ASTN2: variants seen among roughly 807,000 people sequenced by gnomAD.
ASTN2 encodes the protein astrotactin-2.
In ASTN2, 54 loss-of-function variants were observed where a neutral mutation model predicts 139.8. That is an observed-to-expected ratio of 0.39 (90% CI 0.31 to 0.48). The LOEUF is 0.48. Among genes scored for constraint, ASTN2 ranks in the 20% least tolerant of loss-of-function variants. The pLI is 0.95. For missense variants in ASTN2, 1,565 were observed against 1,725.1 expected, an observed-to-expected ratio of 0.91 and a Z score of 1.64; for synonymous variants, 756 against 719.5, an observed-to-expected ratio of 1.05 and a Z score of -0.81.
intron 1 of ASTN2, among the ~76,000 whole-genome samples, chr9:117,349,643 C>G (rs912984089): frequency 3.3e-5 from 5 of 152,148 alleles, no homozygotes; most frequent in Non-Finnish European, 5.9e-5. Flanking sequence ...CCCTCTCCTT[C>G]AGTGTAGACT....
At chr9:117,031,518 A>T (rs1564393206) in intron 6 of ASTN2, among the ~76,000 whole-genome samples, 3 of 152,192 alleles carry the variant, frequency 2.0e-5, no homozygotes, top group Non-Finnish European at 4.4e-5. Flanking sequence ...GTGCAAAACA[A>T]ATGTAATCTC....
intron 3 of ASTN2, chr9:117,180,847 A>T (rs544760186): frequency 3.7e-4 from 570 of 1,556,358 alleles, no homozygotes; most frequent in Middle Eastern, 1.7e-3. Flanking sequence ...CTTCTTTGAG[A>T]TGCGGATCTT....
At chr9:116,597,067 T>C (rs1854613148) in intron 19 of ASTN2, among the ~76,000 whole-genome samples, 1 of 149,794 alleles carries the variant, frequency 6.7e-6, no homozygotes, top group Admixed American at 6.8e-5. Context: ...TATAAGGGGA[T>C]TATCTCTCAA....
chr9:117,159,961 C>T (rs977859161), intron 3 of ASTN2, among the ~76,000 whole-genome samples: 2 of 152,148 alleles, frequency 1.3e-5, no homozygotes, highest in Admixed American at 1.3e-4. Flanking sequence ...TACTTCATGT[C>T]TCACATCTTC....
intron 3 of ASTN2, among the ~76,000 whole-genome samples, chr9:117,162,312 C>G (rs1262280639): frequency 1.3e-5 from 2 of 152,010 alleles, no homozygotes. Flanking sequence ...TCTCTCAGGA[C>G]TACTCATGGA....
At chr9:117,297,966 G>A (rs1834777335) in intron 1 of ASTN2, among the ~76,000 whole-genome samples, 1 of 152,166 alleles carries the variant, frequency 6.6e-6, no homozygotes, top group African/African-American at 2.4e-5. Flanking sequence ...CACAGCAGGT[G>A]GGAAAGGGGA....
chr9:116,828,172 C>T (rs144182646), intron 11 of ASTN2, among the ~76,000 whole-genome samples: 2,678 of 152,136 alleles, frequency 0.018, 17 homozygotes, highest in South Asian at 0.045. Context: ...TGGCACACGC[C>T]TATAATCCCA....
intron 1 of ASTN2, among the ~76,000 whole-genome samples, chr9:117,317,593 T>C (rs892902268): frequency 1.3e-5 from 2 of 152,184 alleles, no homozygotes; most frequent in Non-Finnish European, 2.9e-5. Flanking sequence ...CATCTCCAGA[T>C]ACCCGGCTCA....
At chr9:116,702,982 T>C (rs573347742) in intron 16 of ASTN2, among the ~76,000 whole-genome samples, 2 of 152,326 alleles carry the variant, frequency 1.3e-5, no homozygotes, top group African/African-American at 2.4e-5. Context: ...CTAGTGCTAA[T>C]TAATGGCCTC....
chr9:116,464,269 T>C (rs978431404), intron 20 of ASTN2, among the ~76,000 whole-genome samples: 4 of 152,260 alleles, frequency 2.6e-5, no homozygotes, highest in South Asian at 4.1e-4. Flanking sequence ...TGGGTAAGTG[T>C]GGCACCCATG....
At chr9:116,980,391 A>T (rs1218120873) in intron 7 of ASTN2, among the ~76,000 whole-genome samples, 2 of 142,818 alleles carry the variant, frequency 1.4e-5, no homozygotes, top group Non-Finnish European at 3.1e-5. Context: ...AAGTTGAATT[A>T]AAAAAAAAAA....
At chr9:116,618,039 T>A (rs1444980787) in intron 19 of ASTN2, among the ~76,000 whole-genome samples, 4 of 152,204 alleles carry the variant, frequency 2.6e-5, no homozygotes, top group Non-Finnish European at 4.4e-5. Context: ...CCTTCCCAGA[T>A]ACAGAAAGGT....
At chr9:116,926,861 G>T (rs1331206357) in intron 10 of ASTN2, among the ~76,000 whole-genome samples, 1 of 152,074 alleles carries the variant, frequency 6.6e-6, no homozygotes, top group Non-Finnish European at 1.5e-5. Flanking sequence ...TTACCAAAAG[G>T]CATCTAATTA....
At chr9:116,720,976 C>T (rs1442668802) in intron 16 of ASTN2, among the ~76,000 whole-genome samples, 1 of 152,152 alleles carries the variant, frequency 6.6e-6, no homozygotes, top group Non-Finnish European at 1.5e-5. Context: ...TAGCAAGCCC[C>T]ACCCCTGCCC....
Position 116,598,447 on chromosome 9 carries a change from G to A in ASTN2, c.3355+19877C>T, listed in dbSNP as rs549989054. On this transcript the variant is annotated intron_variant, in intron 19 of 22. Transcript: ENST00000313400. ...GTGAAAAGAGGGGGTTGGCTTAACT[G>A]ATCTGTAAGTATCTTCTAGATAGGA... Among the ~76,000 whole-genome samples the A allele has an allele frequency of 2.9e-4, 44 of 152,290 alleles. 1 individual carries two copies. The South Asian group carries it at 9.1e-3, about 32-fold the overall frequency.
At chr9:116,954,664 TA>T (rs11380979) in intron 10 of ASTN2, among the ~76,000 whole-genome samples, 1 of 151,658 alleles carries the variant, frequency 6.6e-6, no homozygotes, top group African/African-American at 2.4e-5. Flanking sequence ...CTTTATTTAT[TA>T]AAAAAAAACA....
intron 19 of ASTN2, chr9:116,540,802 T>C (rs1851845934): frequency 6.6e-6 from 1 of 152,192 alleles, no homozygotes; most frequent in African/African-American, 2.4e-5. Context: ...ATTATTTTTG[T>C]CTAAAATGCA....
At chr9:117,071,509 C>T (rs1828126045) in intron 5 of ASTN2, among the ~76,000 whole-genome samples, 1 of 150,036 alleles carries the variant, frequency 6.7e-6, no homozygotes, top group Non-Finnish European at 1.5e-5. Flanking sequence ...CAGAGGCAGG[C>T]AGGCCTCCTT....
At chr9:116,999,840 A>G (rs1421148349) in intron 7 of ASTN2, among the ~76,000 whole-genome samples, 2 of 152,004 alleles carry the variant, frequency 1.3e-5, no homozygotes, top group Non-Finnish European at 2.9e-5. Context: ...GATTACAGGA[A>G]CGAGCCACCA....
Sources: allele counts gnomAD v4.1 joint callset (sites outside exome capture counted in the v4.1 genomes callset), GRCh38; gene constraint gnomAD v4.1.1; transcripts MANE v1.5; gene names NCBI Gene and HGNC (gene_info 2026-07-23, HGNC 2026-07-21).